The following SEMA3E variants were observed in gnomAD, a reference collection of about 807,000 sequenced individuals.
SEMA3E encodes semaphorin 3E.
Under a neutral mutation model 93.6 loss-of-function variants are expected in SEMA3E, and 49 were observed. That is an observed-to-expected ratio of 0.52 (90% CI 0.42 to 0.66). The LOEUF is 0.66. Ranked by LOEUF, SEMA3E falls within the 30% of genes least tolerant of loss-of-function variation. The pLI is 0.00. For synonymous variants in SEMA3E, 363 were observed against 330.7 expected, an observed-to-expected ratio of 1.10 and a Z score of -1.06; for missense variants, 906 against 964.8, an observed-to-expected ratio of 0.94 and a Z score of 0.81.
chr7:83,498,554 T>C (rs1163690766), intron 1 of SEMA3E, among the ~76,000 whole-genome samples: 1 of 152,032 alleles, frequency 6.6e-6, no homozygotes, highest in Non-Finnish European at 1.5e-5. Flanking sequence ...CTCGGCTCAC[T>C]GCAGCCTCCA....
intron 4 of SEMA3E, among the ~76,000 whole-genome samples, chr7:83,446,967 G>A (rs1156337313): frequency 1.3e-5 from 2 of 152,114 alleles, no homozygotes; most frequent in African/African-American, 2.4e-5. Context: ...CTTACAATAA[G>A]ATTGTGAGAT....
rs2115649014 is a variant in SEMA3E at position 83,407,177 on chromosome 7, A to C, written c.733T>G (p.Tyr245Asp). 6.2e-7 allele frequency: 1 copy of C among 1,613,564 alleles called. No individual in the cohort carries two copies. Among genetic ancestry groups the C allele is most frequent in the Admixed American group, 1.7e-5 (1 of 59,872 alleles). The change falls in exon 7 of 17, where the codon TAT becomes GAT. Residue 245 changes from tyrosine (Y) to aspartate (D), a missense_variant. Coordinates refer to ENST00000643230, the MANE Select transcript of SEMA3E (RefSeq NM_012431.3). ...AGTGCCTTCTCAGTAAAAAAGAAATATACTTTGTTGTCATCTCTGTCTTCA... is the reference window on the plus strand; with the variant it reads ...AGTGCCTTCTCAGTAAAAAAGAAATCTACTTTGTTGTCATCTCTGTCTTCA... The part of the protein sequence containing the change: ...DNEDRDDNKV[Y>D]FFFTEKALEA...
chr7:83,368,205 C>CTG (rs1268161360), intron 16 of SEMA3E, among the ~76,000 whole-genome samples, 167 bp from the exon 17 acceptor site: 2 of 87,406 alleles, frequency 2.3e-5, no homozygotes, highest in Non-Finnish European at 5.7e-5. Context: ...CTCTCTCTCT[C>CTG]TCTCTGTGTG....
intron 10 of SEMA3E, among the ~76,000 whole-genome samples, chr7:83,400,577 A>AT (rs1180694250): frequency 2.0e-5 from 3 of 151,876 alleles, no homozygotes; most frequent in South Asian, 4.1e-4. Flanking sequence ...TACATCTGTT[A>AT]TTCCCCTCTT....
chr7:83,591,726 A>G (rs1792760456), intron 1 of SEMA3E, among the ~76,000 whole-genome samples: 1 of 152,068 alleles, frequency 6.6e-6, no homozygotes, highest in African/African-American at 2.4e-5. Flanking sequence ...AAAAAGTACA[A>G]AAATAAATAT....
At chr7:83,590,998 T>C (rs893445625) in intron 1 of SEMA3E, among the ~76,000 whole-genome samples, 1 of 151,594 alleles carries the variant, frequency 6.6e-6, no homozygotes, top group Non-Finnish European at 1.5e-5. Flanking sequence ...TTTCCATTAG[T>C]AAAATGAAAT....
chr7:83,599,828 G>A (rs215322), intron 1 of SEMA3E, among the ~76,000 whole-genome samples: 38,719 of 151,916 alleles, frequency 0.25, 4,996 homozygotes, highest in Middle Eastern at 0.31. Flanking sequence ...ATGTTTGTGT[G>A]TCTGTTTCAA....
chr7:83,456,414 C>T (rs1357412759), intron 4 of SEMA3E, among the ~76,000 whole-genome samples: 4 of 151,952 alleles, frequency 2.6e-5, no homozygotes, highest in Admixed American at 6.6e-5. Flanking sequence ...TTTTATTCTC[C>T]ATGAAATCCC....
intron 1 of SEMA3E, among the ~76,000 whole-genome samples, chr7:83,499,775 C>T (rs956536563): frequency 1.3e-5 from 2 of 152,038 alleles, no homozygotes; most frequent in African/African-American, 2.4e-5. Flanking sequence ...AGTAATTAAC[C>T]AATTTAACAA....
At chr7:83,571,546 C>T (rs1190368193) in intron 1 of SEMA3E, among the ~76,000 whole-genome samples, 4 of 152,112 alleles carry the variant, frequency 2.6e-5, no homozygotes, top group African/African-American at 9.7e-5. Flanking sequence ...AAACCCTCAA[C>T]AAACCAGGCA....
chr7:83,639,810 T>C (rs1379505906), intron 1 of SEMA3E, among the ~76,000 whole-genome samples: 1 of 151,730 alleles, frequency 6.6e-6, no homozygotes, highest in Non-Finnish European at 1.5e-5. Context: ...TGTAAGTCTA[T>C]ACCCTTTCCA....
At chr7:83,473,426 C>T (rs1042343199) in intron 2 of SEMA3E, among the ~76,000 whole-genome samples, 9 of 152,162 alleles carry the variant, frequency 5.9e-5, no homozygotes, top group African/African-American at 2.2e-4. Context: ...TCTTCTGCCT[C>T]CCCTTCCTCT....
At chr7:83,537,178 A>G (rs962437501) in intron 1 of SEMA3E, among the ~76,000 whole-genome samples, 5 of 152,150 alleles carry the variant, frequency 3.3e-5, no homozygotes, top group African/African-American at 4.8e-5. Flanking sequence ...TGGAAACTTG[A>G]TCTTGGACTT....
At chr7:83,381,032 CTG>C (rs1787766523) in intron 16 of SEMA3E, among the ~76,000 whole-genome samples, 1 of 151,996 alleles carries the variant, frequency 6.6e-6, no homozygotes, top group African/African-American at 2.4e-5. Flanking sequence ...ATACTTAATA[CTG>C]TGTGTTCCTA....
intron 1 of SEMA3E, among the ~76,000 whole-genome samples, chr7:83,607,871 T>C (rs1006191929): frequency 1.3e-5 from 2 of 152,058 alleles, no homozygotes; most frequent in Admixed American, 6.6e-5. Flanking sequence ...TTAGAAACTA[T>C]TGAGGAGTTT....
chr7:83,558,156 A>G (rs1791958679), intron 1 of SEMA3E, among the ~76,000 whole-genome samples: 1 of 152,162 alleles, frequency 6.6e-6, no homozygotes, highest in Admixed American at 6.6e-5. Flanking sequence ...AATGTAGTAA[A>G]CAATTTCAGT....
intron 1 of SEMA3E, among the ~76,000 whole-genome samples, chr7:83,546,523 C>T (rs764653950): frequency 1.3e-5 from 2 of 151,796 alleles, no homozygotes; most frequent in African/African-American, 2.4e-5. Context: ...CCAGCATTTC[C>T]TACGTTAACA....
Position 83,366,109 on chromosome 7 carries a change from A to G in SEMA3E, c.*1477T>C, listed in dbSNP as rs1023148914. 1 of 152,122 alleles carries G rather than the reference A, an allele frequency of 6.6e-6. No individual in the cohort carries two copies. The highest frequency in any genetic ancestry group is 1.5e-5 in the Non-Finnish European group (1 of 67,964). 9.4% of individuals were successfully genotyped at this position (152,122 alleles called of 1,614,324 possible). On this transcript the variant is annotated 3_prime_UTR_variant, in exon 17 of 17. Coordinates refer to ENST00000643230, the MANE Select transcript of SEMA3E (RefSeq NM_012431.3). ...TTGTTCATTTTACAATGAAATTGCA[A>G]GTGATTATGAGCACTTTAACTTAAA...
At chr7:83,644,022 T>C (rs1794048173) in intron 1 of SEMA3E, among the ~76,000 whole-genome samples, 1 of 151,974 alleles carries the variant, frequency 6.6e-6, no homozygotes, top group Non-Finnish European at 1.5e-5. Context: ...TCATGTTTTA[T>C]TTGCCTTGGG....
Sources: allele counts gnomAD v4.1 joint callset (sites outside exome capture counted in the v4.1 genomes callset), GRCh38; gene constraint gnomAD v4.1.1; transcripts MANE v1.5; gene names NCBI Gene and HGNC (gene_info 2026-07-23, HGNC 2026-07-21).